Variants in ASPH observed in about 807,000 individuals in gnomAD.
ASPH encodes the protein aspartyl/asparaginyl beta-hydroxylase.
In ASPH, 100 loss-of-function variants were observed where a neutral mutation model predicts 118.4. The ratio of observed to expected loss-of-function variants is 0.84; its 90% CI spans 0.72 to 1.00. The LOEUF (loss-of-function observed/expected upper bound fraction) is 1.00, where lower values mean the gene tolerates loss of function less well. Among genes scored for constraint, ASPH ranks in the 50% least tolerant of loss-of-function variants. ASPH has a pLI of 0.00. For synonymous variants in ASPH, 315 were observed against 325.6 expected, an observed-to-expected ratio of 0.97 and a Z score of 0.35; for missense variants, 920 against 919.5, an observed-to-expected ratio of 1.00 and a Z score of -0.01.
At chr8:61,707,010 C>T (rs879721524) in intron 1 of ASPH, among the ~76,000 whole-genome samples, 54 of 152,262 alleles carry the variant, frequency 3.5e-4, no homozygotes, top group African/African-American at 1.2e-3. Context: ...AAAAAAGCAA[C>T]GTTTCAGATC....
rs760122483 is a variant in ASPH at position 61,644,634 on chromosome 8, TG to T, written c.620-3del. 3 of 1,585,296 alleles carry T rather than the reference TG, an allele frequency of 1.9e-6. No individual in the cohort carries two copies. Among genetic ancestry groups the T allele is most frequent in the South Asian group, 2.4e-5 (2 of 85,032 alleles). On this transcript the variant is annotated splice_region_variant and splice_polypyrimidine_tract_variant and intron_variant, in intron 6 of 24. Coordinates refer to ENST00000379454, the MANE Select transcript of ASPH (RefSeq NM_004318.4). ...CCACGTGGTAACTATGCTCGGTTTC[TG>T]GAAAAAAAAAAATTAGATTGATATT...
intron 3 of ASPH, among the ~76,000 whole-genome samples, chr8:61,662,664 AAAAG>A (rs1039969851): frequency 2.0e-5 from 3 of 152,224 alleles, no homozygotes; most frequent in Non-Finnish European, 2.9e-5. Flanking sequence ...AACATTTACA[AAAAG>A]AAAGAAAAGA....
chr8:61,583,492 G>A (rs1390326730), intron 15 of ASPH: 1 of 149,498 alleles, frequency 6.7e-6, no homozygotes, highest in African/African-American at 2.5e-5. Flanking sequence ...AGAGGTTCCA[G>A]TTAGCCGAGA....
Position 61,683,962 on chromosome 8 carries a change from G to A in ASPH, c.253+77C>T. On this transcript the variant is annotated intron_variant, in intron 2 of 24. Coordinates refer to ENST00000379454, the MANE Select transcript of ASPH (RefSeq NM_004318.4). Reference sequence around the variant, plus strand: ...TAGAAATTACCAGTACCAGAAAGATGATAACAAATATTCAAGACTCCTAAG... The same window carrying A: ...TAGAAATTACCAGTACCAGAAAGATAATAACAAATATTCAAGACTCCTAAG... 2.0e-6 allele frequency: 3 copies of A among 1,500,872 alleles called. No individual in the cohort carries two copies. The South Asian group carries it at 3.6e-5, about 18-fold the overall frequency. The allele number at this position is 1,500,872 out of a possible 1,614,324, so 93.0% of individuals were successfully genotyped here.
intron 16 of ASPH, among the ~76,000 whole-genome samples, chr8:61,569,321 C>T (rs1006708803): frequency 2.0e-5 from 3 of 151,892 alleles, no homozygotes; most frequent in African/African-American, 7.3e-5. Flanking sequence ...GCCTATTATT[C>T]GAGGAAAAAT....
At chr8:61,637,139 A>C (rs1858179114) in intron 12 of ASPH, among the ~76,000 whole-genome samples, 1 of 152,142 alleles carries the variant, frequency 6.6e-6, no homozygotes, top group African/African-American at 2.4e-5. Flanking sequence ...TGTAAGAGCA[A>C]AATTCTCCCT....
At chr8:61,671,061 A>C (rs188640630) in intron 3 of ASPH, among the ~76,000 whole-genome samples, 1 of 152,262 alleles carries the variant, frequency 6.6e-6, no homozygotes, top group East Asian at 1.9e-4. Flanking sequence ...TGGGAAATAC[A>C]GTAATGGAGA....
chr8:61,513,582 G>A (rs1809703874), intron 24 of ASPH, among the ~76,000 whole-genome samples: 1 of 152,224 alleles, frequency 6.6e-6, no homozygotes, highest in Non-Finnish European at 1.5e-5. Context: ...GGGAGGAGAG[G>A]ACAGAAGCAT....
chr8:61,518,701 ATC>A (rs1811818388), intron 22 of ASPH, among the ~76,000 whole-genome samples: 1 of 152,208 alleles, frequency 6.6e-6, no homozygotes, highest in Non-Finnish European at 1.5e-5. Flanking sequence ...AGTTTACATC[ATC>A]TGTTTACAAG....
At chr8:61,507,293 A>G (rs1487755091) in intron 24 of ASPH, among the ~76,000 whole-genome samples, 1 of 152,194 alleles carries the variant, frequency 6.6e-6, no homozygotes, top group African/African-American at 2.4e-5. Flanking sequence ...TAATTAACCA[A>G]TTGTATAAAT....
chr8:61,686,300 T>C (rs1830500343), intron 1 of ASPH, among the ~76,000 whole-genome samples: 1 of 152,196 alleles, frequency 6.6e-6, no homozygotes, highest in African/African-American at 2.4e-5. Context: ...TATCATTACC[T>C]GAAACACAGC....
intron 3 of ASPH, among the ~76,000 whole-genome samples, chr8:61,674,149 C>T (rs543535445): frequency 5.9e-5 from 9 of 152,246 alleles, no homozygotes; most frequent in East Asian, 1.9e-4. Flanking sequence ...AGTAACAACA[C>T]GTTAACAAAT....
Position 61,635,088 on chromosome 8 carries a change from C to G in ASPH, c.890-1361G>C, listed in dbSNP as rs184187935. 8.5e-5 allele frequency among the ~76,000 whole-genome samples: 13 copies of G among 152,276 alleles called. No homozygotes were observed. In the East Asian group the frequency reaches 2.5e-3, roughly 29 times the overall value. ...CCCACTTCATTCTGTATGGCTTTCTCTTCCCCTAATTTACTCAAATGGCTT... is the reference window on the plus strand; with the variant it reads ...CCCACTTCATTCTGTATGGCTTTCTGTTCCCCTAATTTACTCAAATGGCTT... On this transcript the variant is annotated intron_variant, in intron 12 of 24. Transcript: ENST00000379454.
In ASPH at chr8:61,706,450, A is replaced by AGGAG. The variant is rs1468235678; in HGVS notation, c.103+7818_103+7819insCTCC. Among the ~76,000 whole-genome samples the AGGAG allele has an allele frequency of 3.5e-3, 517 of 146,104 alleles. 2 individuals carry two copies. Among genetic ancestry groups the AGGAG allele is most frequent in the Middle Eastern group, 0.018 (5 of 284 alleles). On this transcript the variant is annotated intron_variant, in intron 1 of 24. Transcript: ENST00000379454. ...AAAAAGAAGAAGAAGAAGAAGAAGA[A>AGGAG]GAAGAAGGAGGAAGAGGAAGAAGAA...
At chr8:61,679,962 A>C (rs1589113955) in intron 3 of ASPH, among the ~76,000 whole-genome samples, 1 of 145,704 alleles carries the variant, frequency 6.9e-6, no homozygotes, top group Admixed American at 6.8e-5. Context: ...AAAAAAACAA[A>C]AAACACCAAC....
chr8:61,555,081 T>C (rs1827374981), intron 19 of ASPH, among the ~76,000 whole-genome samples: 1 of 152,126 alleles, frequency 6.6e-6, no homozygotes, highest in African/African-American at 2.4e-5. Context: ...TTGATGAGGA[T>C]TTAATTAGAT....
At chr8:61,664,576 T>G in intron 3 of ASPH, 2 of 984,664 alleles carry the variant, frequency 2.0e-6, no homozygotes, top group Non-Finnish European at 2.4e-6. Flanking sequence ...AGGTCAGGAG[T>G]GAGAAGCATG....
In ASPH at chr8:61,502,414, A is replaced by C. The variant is rs1805097805; in HGVS notation, c.*945T>G. On this transcript the variant is annotated 3_prime_UTR_variant, in exon 25 of 25. Coordinates refer to ENST00000379454, the MANE Select transcript of ASPH (RefSeq NM_004318.4). ...ACATTCACATGGATCTACCATAGGC[A>C]AAGACACTGTGTTCCCAGCCCTTGC... 6.6e-6 allele frequency: 1 copy of C among 152,192 alleles called. No homozygotes were observed. Among genetic ancestry groups the C allele is most frequent in the Admixed American group, 6.5e-5 (1 of 15,272 alleles). 9.4% of individuals were successfully genotyped at this position (152,192 alleles called of 1,614,324 possible). A position where few individuals can be genotyped will look rare whatever the true frequency, so the allele number is the denominator to read the frequency against.
At chr8:61,572,233 C>T (rs1255788765) in intron 16 of ASPH, among the ~76,000 whole-genome samples, 1 of 152,184 alleles carries the variant, frequency 6.6e-6, no homozygotes, top group Non-Finnish European at 1.5e-5. Flanking sequence ...CATAGGGGTG[C>T]TGTCAGCATC....
Sources: gnomAD v4.1 joint callset for allele counts (sites outside exome capture counted in the v4.1 genomes callset) on GRCh38, gnomAD v4.1.1 for gene constraint, MANE v1.5 for transcripts, NCBI Gene and HGNC (gene_info 2026-07-23, HGNC 2026-07-21) for gene names.